The following ZDHHC21 variants were observed in gnomAD, a reference collection of about 807,000 sequenced individuals.
ZDHHC21 encodes the protein zDHHC palmitoyltransferase 21.
A neutral mutation model predicts 34.6 loss-of-function variants in ZDHHC21; 15 were observed. The ratio of observed to expected loss-of-function variants is 0.43; its 90% CI spans 0.29 to 0.67. The LOEUF (loss-of-function observed/expected upper bound fraction) is 0.67. ZDHHC21 is among the 30% of genes least tolerant of loss of function. The pLI, the probability that ZDHHC21 is intolerant of heterozygous loss-of-function variation, is 0.14. For missense variants in ZDHHC21, 344 were observed against 327.7 expected (o/e 1.05, Z -0.38); for synonymous variants, 142 against 101.8 (o/e 1.40, Z -2.38).
chr9:14,688,681 G>A (rs778774830), intron 2 of ZDHHC21, among the ~76,000 whole-genome samples: 1 of 152,152 alleles, frequency 6.6e-6, no homozygotes, highest in African/African-American at 2.4e-5. Flanking sequence ...GGCCAACGTC[G>A]TGAAACCCCA....
chr9:14,597,818 C>T, the ZDHHC21 span, among the ~76,000 whole-genome samples: 1 of 152,108 alleles, frequency 6.6e-6, no homozygotes, highest in African/African-American at 2.4e-5. Flanking sequence ...CCTGTGCCTA[C>T]CTTCTGGGGG....
intron 1 of ZDHHC21, 68 bp downstream of exon 1, chr9:14,693,161 T>G (rs1269561031): frequency 1.9e-5 from 2 of 107,458 alleles, no homozygotes; most frequent in African/African-American, 9.9e-5. Context: ...GGGCCGGGGA[T>G]GGGGGTGGGG....
intron 2 of ZDHHC21, among the ~76,000 whole-genome samples, chr9:14,686,213 A>T (rs1296993697): frequency 6.6e-6 from 1 of 152,186 alleles, no homozygotes; most frequent in Non-Finnish European, 1.5e-5. Flanking sequence ...TTTAAAAAAA[A>T]GAAAATAAAT....
chr9:14,596,361 T>C, the ZDHHC21 span, among the ~76,000 whole-genome samples: 5 of 152,172 alleles, frequency 3.3e-5, no homozygotes, highest in South Asian at 2.1e-4. Context: ...CGCTAGGTTG[T>C]TGGTATGAAG....
intron 3 of ZDHHC21, among the ~76,000 whole-genome samples, chr9:14,679,009 A>G (rs1481813642): frequency 6.6e-6 from 1 of 152,122 alleles, no homozygotes; most frequent in African/African-American, 2.4e-5. Flanking sequence ...CAGACCAGGA[A>G]GAGGCATGAG....
At chr9:14,685,575 A>G (rs62539797) in intron 2 of ZDHHC21, among the ~76,000 whole-genome samples, 1 of 152,174 alleles carries the variant, frequency 6.6e-6, no homozygotes, top group Admixed American at 6.5e-5. Context: ...AGAGGATATG[A>G]AGAAACAGGA....
At chr9:14,679,719 C>T (rs1837040916) in intron 3 of ZDHHC21, among the ~76,000 whole-genome samples, 1 of 151,944 alleles carries the variant, frequency 6.6e-6, no homozygotes, top group Admixed American at 6.6e-5. Flanking sequence ...ATATATTATC[C>T]TTATAGTAAA....
the ZDHHC21 span, among the ~76,000 whole-genome samples, chr9:14,599,810 A>T: frequency 6.6e-6 from 1 of 152,106 alleles, no homozygotes; most frequent in Admixed American, 6.5e-5. Context: ...ATCCACCACA[A>T]TCAAGTGGGC....
At chr9:14,622,432 G>C (rs915123603) in intron 8 of ZDHHC21, 1 of 722,396 alleles carries the variant, frequency 1.4e-6, no homozygotes, top group Non-Finnish European at 1.7e-6. Flanking sequence ...GTTCCTAAGA[G>C]AAAAGGAGAA....
rs910899298 is a variant in ZDHHC21 at position 14,614,569 on chromosome 9, G to A, written c.*4397C>T. On this transcript the variant is annotated 3_prime_UTR_variant, in exon 10 of 10. Coordinates refer to ENST00000380916, the MANE Select transcript of ZDHHC21 (RefSeq NM_178566.6). ...TAATACTTTCTTATACTGTACTGTG[G>A]AATATTCTAGAATTCAACTGAGAAT... 3 of 151,636 alleles carry A rather than the reference G, an allele frequency of 2.0e-5. No individual in the cohort carries two copies. Among genetic ancestry groups the A allele is most frequent in the Non-Finnish European group, 4.4e-5 (3 of 67,710 alleles). The allele number at this position is 151,636 out of a possible 1,614,324, so 9.4% of individuals were successfully genotyped here. A position where few individuals can be genotyped will look rare whatever the true frequency, so the allele number is the denominator to read the frequency against.
At chr9:14,629,045 T>C (rs116199788) in intron 8 of ZDHHC21, among the ~76,000 whole-genome samples, 2,037 of 152,318 alleles carry the variant, frequency 0.013, 23 homozygotes, top group Middle Eastern at 0.051. Flanking sequence ...TTCTAAAAAG[T>C]ACTCGTATTC....
chr9:14,676,646 T>A (rs1018898942), intron 3 of ZDHHC21, among the ~76,000 whole-genome samples: 1 of 152,018 alleles, frequency 6.6e-6, no homozygotes, highest in East Asian at 1.9e-4. Context: ...CATTTATTTA[T>A]CTTTTAATTT....
Position 14,618,900 on chromosome 9 carries a change from T to C in ZDHHC21, c.*66A>G. On this transcript the variant is annotated 3_prime_UTR_variant, in exon 10 of 10. Transcript: ENST00000380916. ...ATTGACTTGAAGACTGTCATAGTTC[T>C]ATTATCATAAAACCTGTAACGCATT... 2.7e-6 allele frequency: 4 copies of C among 1,481,186 alleles called. No individual in the cohort carries two copies. The highest frequency in any genetic ancestry group is 3.6e-6 in the Non-Finnish European group (4 of 1,110,580). The allele number at this position is 1,481,186 out of a possible 1,614,324, so 91.8% of individuals were successfully genotyped here.
intron 8 of ZDHHC21, among the ~76,000 whole-genome samples, chr9:14,629,087 A>AACAAATAGAATATATCCTCTCTCT (rs1826842683): frequency 6.6e-6 from 1 of 152,236 alleles, no homozygotes; most frequent in East Asian, 1.9e-4. Context: ...AGGTTAGGAT[A>AACAAATAGAATATATCCTCTCTCT]ACAAATAGAA....
At chr9:14,642,577 T>C in intron 7 of ZDHHC21, among the ~76,000 whole-genome samples, 1 of 152,196 alleles carries the variant, frequency 6.6e-6, no homozygotes, top group East Asian at 1.9e-4. Flanking sequence ...GGGTGGGCAC[T>C]AATCCAATCC....
downstream of ZDHHC21, among the ~76,000 whole-genome samples, chr9:14,608,539 T>C (rs569286964): frequency 2.6e-5 from 4 of 152,294 alleles, no homozygotes; most frequent in South Asian, 8.3e-4. Flanking sequence ...TGTTTGATCT[T>C]TAAACAGAGG....
chr9:14,639,528 G>A (rs1828935939), intron 8 of ZDHHC21, among the ~76,000 whole-genome samples: 1 of 151,976 alleles, frequency 6.6e-6, no homozygotes, highest in East Asian at 1.9e-4. Flanking sequence ...ATATAGAAAT[G>A]ATAAATACTC....
rs866367129 is a variant in ZDHHC21 at position 14,665,670 on chromosome 9, C to T, written c.254-3344G>A. On this transcript the variant is annotated intron_variant, in intron 5 of 9. Coordinates refer to ENST00000380916, the MANE Select transcript of ZDHHC21 (RefSeq NM_178566.6). ...ATCTCTCGGCAGAAACCCTACAAGC[C>T]AGAAGAGAGTGGGGGCCAATATTCA... Among the ~76,000 whole-genome samples the T allele has an allele frequency of 3.4e-4, 47 of 136,746 alleles. No individual in the cohort carries two copies. In the South Asian group the frequency reaches 8.3e-3, roughly 24 times the overall value. The allele number at this position is 136,746 out of a possible 152,430, so 89.7% of individuals were successfully genotyped here.
intron 1 of ZDHHC21, 74 bp downstream of exon 1, chr9:14,693,155 C>CGGGGAT (rs1344625153): frequency 3.2e-5 from 4 of 125,508 alleles, no homozygotes; most frequent in Non-Finnish European, 5.9e-5. Context: ...GAGCGGGGGC[C>CGGGGAT]GGGGATGGGG....
Sources: allele counts gnomAD v4.1 joint callset (sites outside exome capture counted in the v4.1 genomes callset), GRCh38; gene constraint gnomAD v4.1.1; transcripts MANE v1.5; gene names NCBI Gene and HGNC (gene_info 2026-07-23, HGNC 2026-07-21).